The following NFATC1 variants were observed in gnomAD, a reference collection of about 807,000 sequenced individuals.
The protein encoded by NFATC1 is nuclear factor of activated T-cells, cytoplasmic 1.
Under a neutral mutation model 76.0 loss-of-function variants are expected in NFATC1, and 22 were observed. The ratio of observed to expected loss-of-function variants is 0.29; its 90% CI spans 0.21 to 0.41. NFATC1 has a LOEUF of 0.41. Among genes scored for constraint, NFATC1 ranks in the 10% least tolerant of loss-of-function variants. The pLI is 1.00. For synonymous variants in NFATC1, 704 were observed against 613.1 expected, an observed-to-expected ratio of 1.15 and a Z score of -2.19; for missense variants, 1,357 against 1,337.7, an observed-to-expected ratio of 1.01 and a Z score of -0.23.
At chr18:79,449,931 CT>C (rs1433395578) in intron 4 of NFATC1, among the ~76,000 whole-genome samples, 4 of 152,226 alleles carry the variant, frequency 2.6e-5, no homozygotes, top group Non-Finnish European at 5.9e-5. Context: ...TCCACGTTGA[CT>C]TTTCAAGCAC....
At chr18:79,450,289 T>G (rs1253258453) in intron 4 of NFATC1, among the ~76,000 whole-genome samples, 3 of 152,094 alleles carry the variant, frequency 2.0e-5, no homozygotes, top group Non-Finnish European at 4.4e-5. Flanking sequence ...TAGTTTTGAA[T>G]GAAATTGTTA....
intron 2 of NFATC1, among the ~76,000 whole-genome samples, chr18:79,413,741 G>A (rs1006768430): frequency 2.1e-4 from 32 of 152,210 alleles, no homozygotes; most frequent in African/African-American, 7.2e-4. Context: ...TCTCCTGGGC[G>A]GCAAGGTGTC....
chr18:79,519,073 A>T (rs1483617539), intron 9 of NFATC1, among the ~76,000 whole-genome samples: 2 of 152,172 alleles, frequency 1.3e-5, no homozygotes, highest in East Asian at 3.9e-4. Context: ...CTTTTGCTAA[A>T]CCTTGTTCTA....
intron 9 of NFATC1, among the ~76,000 whole-genome samples, chr18:79,518,324 T>C (rs1473013121): frequency 6.6e-6 from 1 of 152,244 alleles, no homozygotes; most frequent in Admixed American, 6.5e-5. Flanking sequence ...ACAACACTAA[T>C]GTCCCCATGA....
At chr18:79,459,331 C>T (rs2087927107) in intron 6 of NFATC1, among the ~76,000 whole-genome samples, 2 of 152,202 alleles carry the variant, frequency 1.3e-5, no homozygotes, top group African/African-American at 2.4e-5. Context: ...TCCATGCCGT[C>T]GTTCCATTTG....
chr18:79,486,860 G>T lies in NFATC1; in HGVS notation c.2705G>T (p.Gly902Val). Residue 902 changes from glycine (G) to valine (V), a missense_variant, in exon 9 of 10, where the codon GGT becomes GTT. Around this residue, in one of 3 missense-constraint regions of NFATC1, gnomAD observed 424 missense variants for 395.4 expected, o/e 1.07. Transcript: ENST00000427363. ...PRLLPEVHED[G>V]SPNLAPIPVT... ...CTGCTGCCAGAGGTGCATGAGGACG[G>T]TAGTCCTAATTTGGCCCCTATTCCT... is the stretch of plus-strand genomic sequence containing the variant. The T allele has an allele frequency of 1.2e-6, 2 of 1,611,884 alleles. No homozygotes were observed. Among genetic ancestry groups the T allele is most frequent in the Non-Finnish European group, 1.7e-6 (2 of 1,179,520 alleles).
At chr18:79,503,152 GCA>G (rs1313494179) in intron 9 of NFATC1, among the ~76,000 whole-genome samples, 1 of 152,202 alleles carries the variant, frequency 6.6e-6, no homozygotes, top group Non-Finnish European at 1.5e-5. Flanking sequence ...TGAGTACTGA[GCA>G]CCCCAGGACT....
At chr18:79,469,396 G>A in intron 8 of NFATC1, 1 of 985,450 alleles carries the variant, frequency 1.0e-6, no homozygotes, top group Non-Finnish European at 1.2e-6. Flanking sequence ...AGGCAGAAGG[G>A]GCGTGCGGGG....
chr18:79,482,641 C>T (rs1459742788), intron 8 of NFATC1, among the ~76,000 whole-genome samples: 1 of 57,990 alleles, frequency 1.7e-5, no homozygotes, highest in Non-Finnish European at 3.3e-5. Flanking sequence ...AGCGTGACCT[C>T]GTTCCTGGGG....
intron 1 of NFATC1, among the ~76,000 whole-genome samples, chr18:79,397,664 G>A (rs530975264): frequency 1.3e-5 from 2 of 152,114 alleles, no homozygotes; most frequent in East Asian, 1.9e-4. Flanking sequence ...TTGGAGTTTC[G>A]GTTTTAAATC....
At chr18:79,522,750 G>A (rs1437239363) in intron 9 of NFATC1, among the ~76,000 whole-genome samples, 1 of 152,170 alleles carries the variant, frequency 6.6e-6, no homozygotes, top group Non-Finnish European at 1.5e-5. Flanking sequence ...CGGACTCCTG[G>A]GGCCAGGAGC....
intron 9 of NFATC1, among the ~76,000 whole-genome samples, chr18:79,525,815 C>T (rs542925357): frequency 3.9e-4 from 60 of 152,358 alleles, no homozygotes; most frequent in Middle Eastern, 3.4e-3. Flanking sequence ...GAACCCCCAC[C>T]GTGTCTTCCT....
chr18:79,507,173 C>T (rs1041264099), intron 9 of NFATC1, among the ~76,000 whole-genome samples: 5 of 152,246 alleles, frequency 3.3e-5, no homozygotes, highest in African/African-American at 4.8e-5. Flanking sequence ...GTGAAGTCTT[C>T]GCCCCAGACA....
intron 8 of NFATC1, among the ~76,000 whole-genome samples, chr18:79,473,589 GTAAACC>G (rs1308666438): frequency 6.9e-6 from 1 of 144,458 alleles, no homozygotes; most frequent in Non-Finnish European, 1.5e-5. Flanking sequence ...TGTCGACGTT[GTAAACC>G]TGAGGGAAGC....
intron 1 of NFATC1, among the ~76,000 whole-genome samples, chr18:79,403,460 C>G (rs1480268205): frequency 2.6e-5 from 4 of 152,212 alleles, no homozygotes; most frequent in African/African-American, 7.2e-5. Flanking sequence ...AGGTCCCGCT[C>G]CCTTCTGGGG....
chr18:79,483,426 G>GGCGTGACCTGGTCCTGGGGTGTAAGTCCA (rs1600880664), intron 8 of NFATC1, among the ~76,000 whole-genome samples: 2 of 117,358 alleles, frequency 1.7e-5, no homozygotes. Context: ...GTGTCATTCC[G>GGCGTGACCTGGTCCTGGGGTGTAAGTCCA]GCGTGACCTG....
chr18:79,450,120 C>T (rs1453754200), intron 4 of NFATC1, among the ~76,000 whole-genome samples: 5 of 152,282 alleles, frequency 3.3e-5, no homozygotes, highest in Non-Finnish European at 7.4e-5. Context: ...AAAGGGTGGC[C>T]GGGAGACGCC....
chr18:79,504,465 C>A (rs1468033313), intron 9 of NFATC1, among the ~76,000 whole-genome samples: 1 of 152,216 alleles, frequency 6.6e-6, no homozygotes, highest in Non-Finnish European at 1.5e-5. Context: ...TATCCATTCA[C>A]TTCATCTTAG....
chr18:79,464,355 A>G (rs2088319940), intron 7 of NFATC1, among the ~76,000 whole-genome samples: 4 of 147,720 alleles, frequency 2.7e-5, no homozygotes, highest in South Asian at 2.1e-4. Context: ...GTGGCCTCCC[A>G]AAGTGCTGGG....
Sources: allele counts gnomAD v4.1 joint callset (sites outside exome capture counted in the v4.1 genomes callset), GRCh38; gene constraint gnomAD v4.1.1; regional missense constraint gnomAD v4.1.1; transcripts MANE v1.5; gene names NCBI Gene and HGNC (gene_info 2026-07-23, HGNC 2026-07-21).